The following UBE2D4 variants were observed in gnomAD, a reference collection of about 807,000 sequenced individuals.
The protein encoded by UBE2D4 is ubiquitin-conjugating enzyme E2 D4.
In UBE2D4, 17 loss-of-function variants were observed where a neutral mutation model predicts 23.0. The observed-to-expected ratio is 0.74, with a 90% CI of 0.51 to 1.11. The LOEUF is 1.11. Ranked by LOEUF, UBE2D4 falls within the 50% of genes least tolerant of loss-of-function variation. UBE2D4 has a pLI of 0.00. For synonymous variants in UBE2D4, 61 were observed against 69.4 expected (o/e 0.88, Z 0.60); for missense variants, 139 against 181.8 (o/e 0.76, Z 1.35).
rs2096012513 is a variant in UBE2D4, at chr7:43,956,093, A to AAAAAAC, written c.*3409_*3414dup. Reference sequence around the variant, plus strand: ...CCTGATGACAGAGAAACTTTCTAAAAAAAAACAAAAACAAAAGCTATAAAA... The same window carrying AAAAAAC: ...CCTGATGACAGAGAAACTTTCTAAAAAAAAACAAAAACAAAAACAAAAGCTATAAAA... On this transcript the variant is annotated 3_prime_UTR_variant, in exon 7 of 7. Transcript: ENST00000222402. 1 of 152,208 alleles carries AAAAAAC rather than the reference A, an allele frequency of 6.6e-6. No homozygotes were observed. Among genetic ancestry groups the AAAAAAC allele is most frequent in the African/African-American group, 2.4e-5 (1 of 41,452 alleles). 9.4% of individuals were successfully genotyped at this position (152,208 alleles called of 1,614,324 possible).
At chr7:43,945,552 G>A (rs1195768987) in intron 4 of UBE2D4, among the ~76,000 whole-genome samples, 2 of 152,122 alleles carry the variant, frequency 1.3e-5, no homozygotes, top group Non-Finnish European at 1.5e-5. Context: ...TAATGTCTGC[G>A]ATGATTTTGA....
intron 1 of UBE2D4, among the ~76,000 whole-genome samples, chr7:43,926,844 G>T (rs1470034309): frequency 6.6e-6 from 1 of 152,250 alleles, no homozygotes; most frequent in Non-Finnish European, 1.5e-5. Flanking sequence ...TCCCCCTGTA[G>T]GGTATCCAGA....
chr7:43,945,141 C>T (rs538940938), intron 4 of UBE2D4, among the ~76,000 whole-genome samples: 2 of 152,168 alleles, frequency 1.3e-5, no homozygotes, highest in South Asian at 2.1e-4. Flanking sequence ...TACAGGCACC[C>T]GCCACCACGC....
At chr7:43,933,185 T>C (rs1309825532) in intron 1 of UBE2D4, among the ~76,000 whole-genome samples, 1 of 151,390 alleles carries the variant, frequency 6.6e-6, no homozygotes, top group Non-Finnish European at 1.5e-5. Context: ...TTCTACCTAT[T>C]CATGTAATTG....
chr7:43,926,746 C>T (rs758306686), intron 1 of UBE2D4, among the ~76,000 whole-genome samples, 190 bp downstream of exon 1: 1 of 151,626 alleles, frequency 6.6e-6, no homozygotes, highest in Non-Finnish European at 1.5e-5. Flanking sequence ...ATTGCGCGAG[C>T]GCGGGGCGGG....
At chr7:43,951,269 A>C (rs545161789) in intron 6 of UBE2D4, among the ~76,000 whole-genome samples, 1 of 152,296 alleles carries the variant, frequency 6.6e-6, no homozygotes, top group Admixed American at 6.5e-5. Flanking sequence ...GCACAACCAC[A>C]TGCACTGTAG....
chr7:43,938,129 G>A (rs1227421813), intron 1 of UBE2D4, among the ~76,000 whole-genome samples: 1 of 152,132 alleles, frequency 6.6e-6, no homozygotes, highest in Non-Finnish European at 1.5e-5. Flanking sequence ...AGGCTTGGGG[G>A]TAAGGCAGAG....
At chr7:43,941,041 A>C (rs1290194297) in intron 2 of UBE2D4, 1 of 152,180 alleles carries the variant, frequency 6.6e-6, no homozygotes, top group African/African-American at 2.4e-5. Context: ...CTTCTGCTTT[A>C]GTCCCTGCAC....
chr7:43,949,580 G>A (rs2095996813), intron 5 of UBE2D4, among the ~76,000 whole-genome samples: 1 of 152,180 alleles, frequency 6.6e-6, no homozygotes, highest in Non-Finnish European at 1.5e-5. Context: ...TTATGTGTGG[G>A]GACCTGTGGT....
chr7:43,935,582 G>A (rs2095956626), intron 1 of UBE2D4, among the ~76,000 whole-genome samples: 1 of 152,100 alleles, frequency 6.6e-6, no homozygotes, highest in African/African-American at 2.4e-5. Flanking sequence ...GTCAGAAGAA[G>A]GGATATAAAA....
At chr7:43,951,472 A>G (rs751702398) in intron 6 of UBE2D4, among the ~76,000 whole-genome samples, 2 of 152,166 alleles carry the variant, frequency 1.3e-5, no homozygotes, top group African/African-American at 4.8e-5. Context: ...CAGTGAGTGC[A>G]TTCTTCAGTT....
intron 6 of UBE2D4, 48 bp from the exon 7 acceptor site, chr7:43,952,602 G>A (rs1402712695): frequency 6.5e-7 from 1 of 1,547,564 alleles, no homozygotes; most frequent in Non-Finnish European, 8.9e-7. Context: ...TTGAAGGGAA[G>A]TGACCATTTC....
Position 43,942,937 on chromosome 7 carries a change from G to C in UBE2D4, c.121-17G>C. On this transcript the variant is annotated splice_polypyrimidine_tract_variant and intron_variant, in intron 3 of 6. Transcript: ENST00000222402. ...TTAGCACATGCACTGATCTCTTTCT[G>C]TGTCTCATCCTTCCAGAATGACAGT... 6.2e-7 allele frequency: 1 copy of C among 1,614,066 alleles called. No homozygotes were observed. The highest frequency in any genetic ancestry group is 8.5e-7 in the Non-Finnish European group (1 of 1,180,002).
intron 1 of UBE2D4, among the ~76,000 whole-genome samples, chr7:43,927,489 G>A (rs2095934960): frequency 6.6e-6 from 1 of 151,842 alleles, no homozygotes; most frequent in African/African-American, 2.4e-5. Flanking sequence ...ATTTTTTGTA[G>A]AGACAGTGTC....
intron 1 of UBE2D4, among the ~76,000 whole-genome samples, chr7:43,932,984 GTATATA>G (rs57093593): frequency 0.038 from 3,273 of 85,786 alleles, 112 homozygotes; most frequent in Non-Finnish European, 0.039. Context: ...AAATGTTAAA[GTATATA>G]TATATATATA....
rs559638425 is a variant in UBE2D4 at position 43,955,486 on chromosome 7, G to A, written c.*2791G>A. On this transcript the variant is annotated 3_prime_UTR_variant, in exon 7 of 7. Coordinates refer to ENST00000222402, the MANE Select transcript of UBE2D4 (RefSeq NM_015983.4). ...ACATGGCAAAGAGTCAAAATCTTAG[G>A]ACAAGGAATTAAAATGCCAGAATGC... 2 of 152,244 alleles carry A rather than the reference G, an allele frequency of 1.3e-5. No individual in the cohort carries two copies. The highest frequency in any genetic ancestry group is 1.3e-4 in the Admixed American group (2 of 15,274). The allele number at this position is 152,244 out of a possible 1,614,324, so 9.4% of individuals were successfully genotyped here.
Position 43,942,806 on chromosome 7 carries a change from GTC to G in UBE2D4, c.89-14_89-13del. ...TTCTTGGGGGGTCTCTTACATGCCCGTCTCTCTTTTGTTTTGTAGTGTTCCAC... is the reference window on the plus strand; with the variant it reads ...TTCTTGGGGGGTCTCTTACATGCCCGTCTCTTTTGTTTTGTAGTGTTCCAC... On this transcript the variant is annotated intron_variant, in intron 2 of 6. Coordinates refer to ENST00000222402, the MANE Select transcript of UBE2D4 (RefSeq NM_015983.4). 1.9e-6 allele frequency: 3 copies of G among 1,614,120 alleles called. No individual in the cohort carries two copies. The highest frequency in any genetic ancestry group is 1.6e-4 in the Middle Eastern group (1 of 6,062).
chr7:43,926,613 G>A (rs545555433), intron 1 of UBE2D4, 57 bp downstream of exon 1: 163 of 1,513,114 alleles, frequency 1.1e-4, no homozygotes, highest in Non-Finnish European at 8.4e-5. Flanking sequence ...AGGTGTGGGC[G>A]GGGCGCCGCT....
rs764358525 is a variant in UBE2D4 at position 43,948,738 on chromosome 7, G to T, written c.304+1G>T. On this transcript the variant is annotated splice_donor_variant, in intron 5 of 6. Transcript: ENST00000222402. LOFTEE classifies it high-confidence loss of function. ...TCTCCAGCGTTGACTGTGTCAAAAG[G>T]TAGAGATGCTGATGGCATGCTCTGT... The T allele has an allele frequency of 6.2e-7, 1 of 1,605,562 alleles. No individual in the cohort carries two copies. Among genetic ancestry groups the T allele is most frequent in the Non-Finnish European group, 8.5e-7 (1 of 1,172,702 alleles).
Sources: gnomAD v4.1 joint callset for allele counts (sites outside exome capture counted in the v4.1 genomes callset) on GRCh38, gnomAD v4.1.1 for gene constraint, MANE v1.5 for transcripts, NCBI Gene and HGNC (gene_info 2026-07-23, HGNC 2026-07-21) for gene names.